The following PLCB1 variants were observed in gnomAD, a reference collection of about 807,000 sequenced individuals.
PLCB1 encodes 1-phosphatidylinositol 4,5-bisphosphate phosphodiesterase beta-1.
In PLCB1, 46 loss-of-function variants were observed where a neutral mutation model predicts 161.8. The observed-to-expected ratio is 0.28, with a 90% CI of 0.22 to 0.36. The LOEUF (loss-of-function observed/expected upper bound fraction) is 0.36. Among genes scored for constraint, PLCB1 ranks in the 10% least tolerant of loss-of-function variants. The probability of loss-of-function intolerance (pLI) is 1.00; values close to 1 mark genes in which losing one functional copy is unlikely to be tolerated. For synonymous variants in PLCB1, 517 were observed against 503.7 expected (o/e 1.03, Z -0.35); for missense variants, 1,016 against 1,472.5 (o/e 0.69, Z 5.07).
chr20:8,834,996 TGCTCAG>T (rs1187783288), intron 31 of PLCB1, among the ~76,000 whole-genome samples: 2 of 152,060 alleles, frequency 1.3e-5, no homozygotes, highest in Admixed American at 6.6e-5. Context: ...TAATCTGCTT[TGCTCAG>T]GCTACTGATT....
intron 21 of PLCB1, among the ~76,000 whole-genome samples, 166 bp downstream of exon 21, chr20:8,739,526 A>G (rs1980762078): frequency 6.6e-6 from 1 of 152,274 alleles, no homozygotes; most frequent in South Asian, 2.1e-4. Flanking sequence ...ATGTTGTAGT[A>G]TTAATGTTAG....
chr20:8,817,945 A>G (rs1190983097), intron 31 of PLCB1, among the ~76,000 whole-genome samples: 1 of 152,254 alleles, frequency 6.6e-6, no homozygotes, highest in East Asian at 1.9e-4. Context: ...TTTAAAATGC[A>G]ATGCATAGTT....
intron 27 of PLCB1, among the ~76,000 whole-genome samples, chr20:8,786,697 T>TG (rs1983502948): frequency 1.3e-5 from 2 of 151,894 alleles, no homozygotes; most frequent in Non-Finnish European, 1.5e-5. Context: ...TTTTGTTTTT[T>TG]TTTTTTTTGA....
intron 26 of PLCB1, among the ~76,000 whole-genome samples, chr20:8,769,630 G>A (rs1242306543): frequency 6.6e-6 from 1 of 152,084 alleles, no homozygotes; most frequent in Non-Finnish European, 1.5e-5. Flanking sequence ...TGGAATCATT[G>A]TCATCAGCTG....
At chr20:8,778,026 G>A (rs554190460) in intron 27 of PLCB1, among the ~76,000 whole-genome samples, 46 of 152,178 alleles carry the variant, frequency 3.0e-4, no homozygotes, top group Non-Finnish European at 4.4e-4. Flanking sequence ...ACCAGGTCCC[G>A]CCCACAACAT....
At chr20:8,814,777 CAT>C (rs1985003634) in intron 31 of PLCB1, among the ~76,000 whole-genome samples, 1 of 152,152 alleles carries the variant, frequency 6.6e-6, no homozygotes, top group Admixed American at 6.6e-5. Flanking sequence ...CATTTTGTAT[CAT>C]GTGCACTACT....
intron 2 of PLCB1, among the ~76,000 whole-genome samples, chr20:8,351,803 C>T (rs1340994580): frequency 1.3e-5 from 2 of 152,048 alleles, no homozygotes; most frequent in Non-Finnish European, 2.9e-5. Context: ...ATACTACACA[C>T]TATTAAAATA....
intron 31 of PLCB1, among the ~76,000 whole-genome samples, chr20:8,861,351 G>A (rs1356810032): frequency 1.3e-5 from 2 of 152,212 alleles, no homozygotes; most frequent in Admixed American, 6.5e-5. Context: ...CAGAACAAAG[G>A]ATAAGTCATT....
intron 31 of PLCB1, among the ~76,000 whole-genome samples, chr20:8,842,631 G>A (rs939799844): frequency 7.2e-5 from 11 of 152,124 alleles, no homozygotes; most frequent in African/African-American, 1.4e-4. Flanking sequence ...CTGAGCTCCC[G>A]GAGTGAGCAA....
intron 31 of PLCB1, among the ~76,000 whole-genome samples, chr20:8,797,039 G>A (rs1984060285): frequency 6.6e-6 from 1 of 152,022 alleles, no homozygotes; most frequent in Non-Finnish European, 1.5e-5. Context: ...GTTTAATGTA[G>A]TAATAGATGA....
intron 3 of PLCB1, among the ~76,000 whole-genome samples, chr20:8,520,865 A>G (rs1984319645): frequency 6.6e-6 from 1 of 152,198 alleles, no homozygotes; most frequent in South Asian, 2.1e-4. Context: ...ATGGACATAC[A>G]ACTCAATTTA....
chr20:8,494,705 C>T (rs1472851645), intron 3 of PLCB1, among the ~76,000 whole-genome samples: 2 of 152,142 alleles, frequency 1.3e-5, no homozygotes, highest in Non-Finnish European at 2.9e-5. Flanking sequence ...TCATAATGCT[C>T]CCTCTAACAT....
At position 8,854,098 on chromosome 20, in the gene PLCB1, A is replaced by T. The variant is rs971191384; in HGVS notation, c.3424-27524A>T. ...GGCAAAATAAACATCCATAAACTTA[A>T]ACTTTCCTGGGTAGGGAAGATCTGA... On this transcript the variant is annotated intron_variant, in intron 31 of 31. Transcript: ENST00000338037. Among the ~76,000 whole-genome samples the T allele has an allele frequency of 2.0e-5, 3 of 152,270 alleles. No homozygotes were observed. In the East Asian group the frequency reaches 5.8e-4, roughly 29 times the overall value.
chr20:8,371,207 C>A (rs1335797658), intron 2 of PLCB1, 175 bp from the exon 3 acceptor site: 1 of 540,828 alleles, frequency 1.8e-6, no homozygotes, highest in Non-Finnish European at 3.3e-6. Context: ...AGTTAGCTGT[C>A]TTTTGTTTCC....
intron 31 of PLCB1, among the ~76,000 whole-genome samples, chr20:8,840,596 T>G (rs1162170141): frequency 6.6e-6 from 1 of 152,182 alleles, no homozygotes; most frequent in African/African-American, 2.4e-5. Context: ...AGTTCCAGAC[T>G]TTCATAACTT....
rs559799834 is a variant in PLCB1, at chr20:8,715,331, G to T, written c.1251-933G>T. ...CAGCTGTGTTTACAAGTTACTGGGC[G>T]TAGGATTTGTCTAGTCTAGCTGGCG... is the stretch of plus-strand genomic sequence containing the variant. On this transcript the variant is annotated intron_variant, in intron 12 of 31. Coordinates refer to ENST00000338037, the MANE Select transcript of PLCB1 (RefSeq NM_015192.4). Among the ~76,000 whole-genome samples, 150 of 152,354 alleles carry T rather than the reference G, an allele frequency of 9.8e-4. 1 individual carries two copies. Among genetic ancestry groups the T allele is most frequent in the African/African-American group, 3.5e-3 (146 of 41,586 alleles).
chr20:8,466,384 T>C (rs948364776), intron 3 of PLCB1, among the ~76,000 whole-genome samples: 1 of 149,454 alleles, frequency 6.7e-6, no homozygotes, highest in Non-Finnish European at 1.5e-5. Context: ...GATGACGAGT[T>C]AGTGGGTGCA....
chr20:8,319,639 G>C (rs1318500269), intron 2 of PLCB1, among the ~76,000 whole-genome samples: 3 of 152,070 alleles, frequency 2.0e-5, no homozygotes, highest in Non-Finnish European at 1.5e-5. Flanking sequence ...GTCCACCAGA[G>C]CTATTCACAA....
At position 8,697,700 on chromosome 20, in the gene PLCB1, C is replaced by T. The variant is rs199900846; in HGVS notation, c.1084C>T (p.Leu362=). ...CCTGTCTGGTTGTCGCTGTGTGGAG[C>T]TGGACTGCTGGAAGGGACGGACTGC... ...VLLSGCRCVE[L]DCWKGRTAEE... The change falls in exon 11 of 32, where the codon CTG becomes TTG. Residue 362 remains leucine (L), a synonymous_variant. Transcript: ENST00000338037. 1 of 1,614,164 alleles carries T rather than the reference C, an allele frequency of 6.2e-7. No homozygotes were observed. The highest frequency in any genetic ancestry group is 1.3e-5 in the African/African-American group (1 of 75,036).
Sources: allele counts gnomAD v4.1 joint callset (sites outside exome capture counted in the v4.1 genomes callset), GRCh38; gene constraint gnomAD v4.1.1; transcripts MANE v1.5; gene names NCBI Gene and HGNC (gene_info 2026-07-23, HGNC 2026-07-21).